The following PANK2 variants were observed in gnomAD, a reference collection of about 807,000 sequenced individuals.
PANK2 encodes the protein pantothenate kinase 2, mitochondrial.
In PANK2, 36 loss-of-function variants were observed where a neutral mutation model predicts 43.1. The ratio of observed to expected loss-of-function variants is 0.84; its 90% CI spans 0.64 to 1.10. PANK2 has a LOEUF of 1.10. Among genes scored for constraint, PANK2 ranks in the 50% least tolerant of loss-of-function variants. PANK2 has a pLI of 0.00. For missense variants in PANK2, 576 were observed against 593.3 expected, an observed-to-expected ratio of 0.97 and a Z score of 0.30; for synonymous variants, 281 against 238.2, an observed-to-expected ratio of 1.18 and a Z score of -1.66.
chr20:3,894,353 G>A (rs1229530456), intron 1 of PANK2, among the ~76,000 whole-genome samples: 2 of 151,888 alleles, frequency 1.3e-5, no homozygotes, highest in African/African-American at 4.8e-5. Flanking sequence ...TGATTCTCCT[G>A]CCTTAGCCTC....
At chr20:3,914,912 A>C (rs1043070713) in intron 4 of PANK2, among the ~76,000 whole-genome samples, 1 of 152,100 alleles carries the variant, frequency 6.6e-6, no homozygotes, top group African/African-American at 2.4e-5. Flanking sequence ...GCCCAGCCCG[A>C]ACATCTTTTC....
rs959957977 is a variant in PANK2, at chr20:3,902,739, A to G, written c.299-5187A>G. The stretch of plus-strand genomic sequence containing the variant: ...CCCAGCCAGGTTCCATTTTCTCTAT[A>G]TTGACTATATTGACCTTTCTTTCAT... On this transcript the variant is annotated intron_variant, in intron 1 of 6. Transcript: ENST00000610179. Among the ~76,000 whole-genome samples, 5 of 151,662 alleles carry G rather than the reference A, an allele frequency of 3.3e-5. No individual in the cohort carries two copies. In the Admixed American group the frequency reaches 3.3e-4, roughly 10 times the overall value.
intron 1 of PANK2, chr20:3,901,438 T>C: frequency 1.0e-5 from 2 of 191,948 alleles, no homozygotes; most frequent in Non-Finnish European, 1.9e-5. Context: ...AAAGTCATTT[T>C]TTTTTTCTCC....
At chr20:3,914,879 G>A (rs539240350) in intron 4 of PANK2, among the ~76,000 whole-genome samples, 64 of 152,260 alleles carry the variant, frequency 4.2e-4, no homozygotes, top group Admixed American at 1.3e-3. Context: ...CAAAGTGCTG[G>A]GATTACAGGT....
chr20:3,916,871 C>T (rs2090568276), intron 4 of PANK2, 56 bp from the exon 5 acceptor site: 8 of 1,610,074 alleles, frequency 5.0e-6, no homozygotes, highest in Non-Finnish European at 5.9e-6. Context: ...CATTCAAGTT[C>T]TGTTGGGCTT....
Position 3,900,957 on chromosome 20 carries a change from T to A in PANK2, c.299-6969T>A, listed in dbSNP as rs566527231. The stretch of plus-strand genomic sequence containing the variant: ...CTAATTTTTCTATTTTTAGTAGAGA[T>A]GGGGGTTTCACGATGTTGGCCAGGC... On this transcript the variant is annotated intron_variant, in intron 1 of 6. Coordinates refer to ENST00000610179, the MANE Select transcript of PANK2 (RefSeq NM_001386393.1). Among the ~76,000 whole-genome samples, 5 of 151,746 alleles carry A rather than the reference T, an allele frequency of 3.3e-5. No homozygotes were observed. The Admixed American group carries it at 3.3e-4, about 10-fold the overall frequency.
chr20:3,921,089 T>C (rs1293596830), intron 6 of PANK2, among the ~76,000 whole-genome samples: 1 of 152,182 alleles, frequency 6.6e-6, no homozygotes, highest in Non-Finnish European at 1.5e-5. Flanking sequence ...CTAGGATACA[T>C]GTGCACAACG....
At chr20:3,913,790 A>ATATTT (rs1237943840) in intron 4 of PANK2, among the ~76,000 whole-genome samples, 1 of 138,476 alleles carries the variant, frequency 7.2e-6, no homozygotes, top group African/African-American at 2.7e-5. Context: ...ATATATATAT[A>ATATTT]TTTTTTTTTT....
At chr20:3,921,654 G>A (rs74788399) in intron 6 of PANK2, 1,579 of 152,288 alleles carry the variant, frequency 0.01, 21 homozygotes, top group Non-Finnish European at 0.016. Context: ...TCACAGATTG[G>A]TGTGGCTGCC....
At chr20:3,900,782 T>G (rs1414979117) in intron 1 of PANK2, among the ~76,000 whole-genome samples, 1 of 151,924 alleles carries the variant, frequency 6.6e-6, no homozygotes, top group African/African-American at 2.4e-5. Context: ...TTTTAAGTTT[T>G]TTTTGAGATG....
intron 1 of PANK2, among the ~76,000 whole-genome samples, chr20:3,892,560 G>A (rs781545881): frequency 2.7e-5 from 4 of 150,702 alleles, no homozygotes; most frequent in East Asian, 1.9e-4. Flanking sequence ...GCCCGTAGTC[G>A]CAGCTACTCG....
chr20:3,903,174 TC>T (rs1488649498), intron 1 of PANK2, among the ~76,000 whole-genome samples: 1 of 150,572 alleles, frequency 6.6e-6, no homozygotes, highest in East Asian at 1.9e-4. Flanking sequence ...AGACGGAGTC[TC>T]CCTCTGTCGC....
intron 1 of PANK2, among the ~76,000 whole-genome samples, chr20:3,897,760 A>G (rs2090233406): frequency 3.3e-5 from 5 of 152,128 alleles, no homozygotes; most frequent in Admixed American, 2.0e-4. Flanking sequence ...TAATCCTAGC[A>G]CTTTGGGAGG....
At chr20:3,889,072 C>T (rs1361854371), upstream of PANK2, 2 of 1,510,716 alleles carry the variant, frequency 1.3e-6, no homozygotes, top group Non-Finnish European at 1.8e-6. Context: ...CAGAGGCATG[C>T]ACAAGTGGGG....
intron 1 of PANK2, among the ~76,000 whole-genome samples, chr20:3,897,995 A>C (rs930060132): frequency 2.0e-5 from 3 of 146,462 alleles, no homozygotes; most frequent in Non-Finnish European, 3.0e-5. Flanking sequence ...ACAGAGCGAG[A>C]CTCCATCTCA....
At position 3,916,976 on chromosome 20, in the gene PANK2, G is replaced by C; in HGVS notation, c.1132G>C (p.Asp378His). The C allele has an allele frequency of 6.2e-7, 1 of 1,614,056 alleles. No homozygotes were observed. The highest frequency in any genetic ancestry group is 8.5e-7 in the Non-Finnish European group (1 of 1,180,026). Residue 378 changes from aspartate (D) to histidine (H), a missense_variant, in exon 5 of 7, where the codon GAC becomes CAC. Physicochemically the swap from Asp to His is moderately conservative, Grantham distance 81 (BLOSUM62 -1). Around this residue, in one of 2 missense-constraint regions of PANK2, gnomAD observed 544 missense variants for 528.9 expected, o/e 1.03. Coordinates refer to ENST00000610179, the MANE Select transcript of PANK2 (RefSeq NM_001386393.1). ...GAAGCGAGAGGCTGTCAGTAAAGAG[G>C]ACCTGGCCAGAGCGACTTTGATCAC...
chr20:3,895,484 G>GTTTTTTTT (rs10630574), intron 1 of PANK2, among the ~76,000 whole-genome samples: 1 of 132,952 alleles, frequency 7.5e-6, no homozygotes, highest in Non-Finnish European at 1.5e-5. Context: ...CCCTGTCTCC[G>GTTTTTTTT]TTTTTTTTTT....
At chr20:3,902,578 C>A (rs1488127008) in intron 1 of PANK2, among the ~76,000 whole-genome samples, 1 of 107,800 alleles carries the variant, frequency 9.3e-6, no homozygotes, top group Non-Finnish European at 1.9e-5. Flanking sequence ...CGCACCTGGC[C>A]TAGTTTTTTT....
At position 3,908,161 on chromosome 20, in the gene PANK2, C is replaced by T. The variant is rs774118720; in HGVS notation, c.534C>T (p.Pro178=). Residue 178 remains proline, a synonymous_variant, in exon 2 of 7, where the codon CCC becomes CCT. Transcript: ENST00000610179. Reference sequence around the variant, plus strand: ...GCAATCTGCACTTTATACGCTTTCCCACTCATGACATGCCTGCTTTTATTC... The same window carrying T: ...GCAATCTGCACTTTATACGCTTTCCTACTCATGACATGCCTGCTTTTATTC... The T allele has an allele frequency of 1.2e-6, 2 of 1,614,164 alleles. No homozygotes were observed. The highest frequency in any genetic ancestry group is 1.7e-5 in the Admixed American group (1 of 60,018).
Sources: gnomAD v4.1 joint callset for allele counts (sites outside exome capture counted in the v4.1 genomes callset) on GRCh38, gnomAD v4.1.1 for gene constraint, gnomAD v4.1.1 regional missense constraint, MANE v1.5 for transcripts, NCBI Gene and HGNC (gene_info 2026-07-23, HGNC 2026-07-21) for gene names.